Variants in PCDH15 observed in about 807,000 individuals in gnomAD.
PCDH15 encodes protocadherin related 15.
A neutral mutation model predicts 178.5 loss-of-function variants in PCDH15; 129 were observed. The observed-to-expected ratio is 0.72, with a 90% CI of 0.63 to 0.84. The LOEUF (loss-of-function observed/expected upper bound fraction) is 0.84, where lower values mean the gene tolerates loss of function less well. Ranked by LOEUF, PCDH15 falls within the 40% of genes least tolerant of loss-of-function variation. The pLI, the probability that PCDH15 is intolerant of heterozygous loss-of-function variation, is 0.00. For missense variants in PCDH15, 2,230 were observed against 2,099.9 expected (o/e 1.06, Z -1.21); for synonymous variants, 800 against 732.0 (o/e 1.09, Z -1.50).
At chr10:55,513,676 T>A (rs887266687) in intron 2 of PCDH15, among the ~76,000 whole-genome samples, 46 of 152,194 alleles carry the variant, frequency 3.0e-4, no homozygotes, top group African/African-American at 9.4e-4. Flanking sequence ...TATATTGATA[T>A]AAAGATGTAG....
At chr10:55,519,386 T>G (rs1841101870) in intron 2 of PCDH15, among the ~76,000 whole-genome samples, 3 of 151,754 alleles carry the variant, frequency 2.0e-5, no homozygotes, top group Admixed American at 2.0e-4. Context: ...AATTCGAGGT[T>G]TCTGGGGGTT....
At chr10:54,558,022 A>G (rs1437099319) in intron 2 of PCDH15, among the ~76,000 whole-genome samples, 1 of 152,118 alleles carries the variant, frequency 6.6e-6, no homozygotes, top group African/African-American at 2.4e-5. Flanking sequence ...TCATGCAGCC[A>G]AAACAAAAAC....
intron 3 of PCDH15, among the ~76,000 whole-genome samples, chr10:54,477,945 T>TA (rs2078402461): frequency 6.6e-6 from 1 of 152,180 alleles, no homozygotes; most frequent in South Asian, 2.1e-4. Context: ...CACCTACTGT[T>TA]ACGCAATCAT....
chr10:54,846,118 A>G (rs1204329015), intron 3 of PCDH15, among the ~76,000 whole-genome samples: 3 of 152,106 alleles, frequency 2.0e-5, no homozygotes, highest in Admixed American at 1.3e-4. Flanking sequence ...ATTTTCCCCA[A>G]TTTGCTTGTT....
intron 28 of PCDH15, among the ~76,000 whole-genome samples, chr10:53,841,119 A>T (rs1467790191): frequency 6.6e-6 from 1 of 152,244 alleles, no homozygotes; most frequent in African/African-American, 2.4e-5. Flanking sequence ...TATTTAATTT[A>T]AAAAGCAGAG....
chr10:54,174,936 C>A (rs182467126), intron 13 of PCDH15, among the ~76,000 whole-genome samples: 10 of 151,926 alleles, frequency 6.6e-5, no homozygotes, highest in Non-Finnish European at 1.3e-4. Context: ...TGTATAAGTT[C>A]AGAATTACAT....
chr10:54,755,791 T>C (rs1200478114), intron 1 of PCDH15, among the ~76,000 whole-genome samples: 2 of 152,150 alleles, frequency 1.3e-5, no homozygotes, highest in African/African-American at 2.4e-5. Flanking sequence ...TGTTGGCTCA[T>C]CAGAATAATG....
At chr10:55,416,870 T>TAGG (rs1838496429) in intron 2 of PCDH15, among the ~76,000 whole-genome samples, 1 of 151,786 alleles carries the variant, frequency 6.6e-6, no homozygotes, top group Non-Finnish European at 1.5e-5. Flanking sequence ...TTCTGAGATC[T>TAGG]TAATTTGTGA....
chr10:55,222,129 C>T (rs1325195985), intron 1 of PCDH15, among the ~76,000 whole-genome samples: 1 of 151,690 alleles, frequency 6.6e-6, no homozygotes, highest in African/African-American at 2.4e-5. Context: ...CCTGCCTCGG[C>T]CTCCCAAAGT....
chr10:54,009,321 G>A (rs559673468), intron 20 of PCDH15, among the ~76,000 whole-genome samples: 4 of 151,874 alleles, frequency 2.6e-5, no homozygotes, highest in South Asian at 2.1e-4. Flanking sequence ...GTGGACCCCC[G>A]AGAAATAAAG....
chr10:54,099,414 G>A (rs989610875), intron 15 of PCDH15, among the ~76,000 whole-genome samples: 3 of 144,522 alleles, frequency 2.1e-5, no homozygotes, highest in Non-Finnish European at 4.5e-5. Context: ...GCAGGAGAAT[G>A]TATGAACCCA....
intron 2 of PCDH15, among the ~76,000 whole-genome samples, chr10:54,964,794 CT>C (rs1838741404): frequency 1.3e-5 from 2 of 152,120 alleles, no homozygotes; most frequent in Non-Finnish European, 2.9e-5. Flanking sequence ...GGCAATAAAG[CT>C]TTTAATTACA....
rs989310804 is a variant in PCDH15 at position 53,805,986 on chromosome 10, T to TA, written c.*592dup. 1 of 152,252 alleles carries TA rather than the reference T, an allele frequency of 6.6e-6. No individual in the cohort carries two copies. 9.4% of individuals were successfully genotyped at this position (152,252 alleles called of 1,614,324 possible). On this transcript the variant is annotated 3_prime_UTR_variant, in exon 38 of 38. Transcript: ENST00000644397. ...GGTCAAGATATAAATGTATTTATGG[T>TA]AAAATGTGAAAACCTTTATACAGGA...
At chr10:55,611,424 C>T (rs1843362381) in intron 2 of PCDH15, among the ~76,000 whole-genome samples, 2 of 151,852 alleles carry the variant, frequency 1.3e-5, no homozygotes, top group South Asian at 2.1e-4. Context: ...TCAATATCAC[C>T]ATTGATTAGG....
At chr10:55,619,855 C>T (rs900477142) in intron 2 of PCDH15, among the ~76,000 whole-genome samples, 7 of 151,882 alleles carry the variant, frequency 4.6e-5, no homozygotes, top group African/African-American at 1.7e-4. Context: ...TATTTTGAAG[C>T]TCATTAAAGT....
chr10:55,491,759 G>C (rs374405160), intron 2 of PCDH15, among the ~76,000 whole-genome samples: 4 of 151,336 alleles, frequency 2.6e-5, no homozygotes, highest in South Asian at 4.2e-4. Flanking sequence ...GAACAATTAA[G>C]AAGAAATGTC....
intron 2 of PCDH15, among the ~76,000 whole-genome samples, chr10:55,101,659 G>A (rs991668229): frequency 1.3e-5 from 2 of 151,520 alleles, no homozygotes; most frequent in African/African-American, 2.4e-5. Flanking sequence ...GATCTAGTTT[G>A]TAAAGTATGA....
Position 54,185,289 on chromosome 10 carries a change from G to C in PCDH15, c.1306-21C>G, listed in dbSNP as rs181781496. On this transcript the variant is annotated intron_variant, in intron 11 of 37. Transcript: ENST00000644397. ...TTTGTCTTTGAAAAAAAATGACATC[G>C]TTTCAAACGTTGAATAAATAATGTA... The C allele has an allele frequency of 9.7e-5, 157 of 1,612,454 alleles. 4 individuals carry two copies. The South Asian group carries it at 1.7e-3, about 17-fold the overall frequency.
At chr10:54,349,325 G>A (rs879832908) in intron 5 of PCDH15, among the ~76,000 whole-genome samples, 6 of 152,050 alleles carry the variant, frequency 3.9e-5, no homozygotes, top group Non-Finnish European at 5.9e-5. Flanking sequence ...AGAACTTCAC[G>A]TTTGCCACTC....
Sources: allele counts gnomAD v4.1 joint callset (sites outside exome capture counted in the v4.1 genomes callset), GRCh38; gene constraint gnomAD v4.1.1; transcripts MANE v1.5; gene names NCBI Gene and HGNC (gene_info 2026-07-23, HGNC 2026-07-21).